Variants in APBA1 observed in about 807,000 individuals in gnomAD.
The protein encoded by APBA1 is amyloid beta precursor protein binding family A member 1.
A neutral mutation model predicts 86.6 loss-of-function variants in APBA1; 55 were observed. That is an observed-to-expected ratio of 0.64 (90% CI 0.51 to 0.80). The LOEUF is 0.80. APBA1 is among the 30% of genes least tolerant of loss of function. APBA1 has a pLI of 0.00. For synonymous variants in APBA1, 511 were observed against 493.9 expected, an observed-to-expected ratio of 1.03 and a Z score of -0.46; for missense variants, 1,090 against 1,183.0, an observed-to-expected ratio of 0.92 and a Z score of 1.15.
chr9:69,626,374 C>A (rs1462935676), intron 1 of APBA1, among the ~76,000 whole-genome samples: 1 of 151,900 alleles, frequency 6.6e-6, no homozygotes, highest in African/African-American at 2.4e-5. Flanking sequence ...CACAAATGTA[C>A]ATTAGGAACT....
intron 4 of APBA1, among the ~76,000 whole-genome samples, chr9:69,469,618 C>T (rs1353903603): frequency 6.6e-6 from 1 of 152,218 alleles, no homozygotes; most frequent in Admixed American, 6.5e-5. Flanking sequence ...CTCTACTCAA[C>T]AGCCACAGGG....
At chr9:69,606,479 CTTTTTTTT>C (rs35083481) in intron 1 of APBA1, among the ~76,000 whole-genome samples, 5 of 50,874 alleles carry the variant, frequency 9.8e-5, no homozygotes, top group Admixed American at 3.5e-4. Context: ...AGGGAGCTAG[CTTTTTTTT>C]TTTTTTTTTT....
intron 1 of APBA1, among the ~76,000 whole-genome samples, chr9:69,555,730 AG>A (rs1426130462): frequency 1.3e-5 from 2 of 152,224 alleles, no homozygotes; most frequent in Non-Finnish European, 2.9e-5. Flanking sequence ...GCAATGAGAA[AG>A]GATACTTCAT....
intron 1 of APBA1, among the ~76,000 whole-genome samples, chr9:69,663,897 A>C (rs1360471622): frequency 6.6e-6 from 1 of 152,150 alleles, no homozygotes; most frequent in Non-Finnish European, 1.5e-5. Flanking sequence ...AATGCTTACA[A>C]AGTCTCCCAT....
chr9:69,458,874 T>G (rs1472897312), intron 5 of APBA1, among the ~76,000 whole-genome samples: 1 of 152,100 alleles, frequency 6.6e-6, no homozygotes, highest in Non-Finnish European at 1.5e-5. Flanking sequence ...TGGCATGATC[T>G]TGGCTCACCG....
chr9:69,546,333 C>CAG (rs1836697288), intron 1 of APBA1, among the ~76,000 whole-genome samples: 1 of 152,170 alleles, frequency 6.6e-6, no homozygotes, highest in Non-Finnish European at 1.5e-5. Flanking sequence ...AAATAACTGC[C>CAG]AGAGATATGT....
intron 1 of APBA1, among the ~76,000 whole-genome samples, chr9:69,594,960 G>A (rs1822200920): frequency 6.6e-6 from 1 of 152,160 alleles, no homozygotes; most frequent in Non-Finnish European, 1.5e-5. Flanking sequence ...CTACAATGTA[G>A]TGGTATGAAT....
rs553516051 is a variant in APBA1 at position 69,476,070 on chromosome 9, A to T, written c.1274T>A (p.Val425Glu). 6.2e-7 allele frequency: 1 copy of T among 1,614,186 alleles called. No individual in the cohort carries two copies. The highest frequency in any genetic ancestry group is 1.7e-5 in the Admixed American group (1 of 60,022). The change falls in exon 3 of 13, where the codon GTG (valine) becomes GAG (glutamate). Residue 425 changes from valine (V) to glutamate (E), a missense_variant. Transcript: ENST00000265381. The stretch of plus-strand genomic sequence containing the variant: ...TACCTCTTTATTAGTGGACGCTTCC[A>T]CAGGGTCACTGGGGTGAAGAGATGT... ...SSTSLHPSDPVEASTNKESRK... is the reference protein window; with the variant it reads ...SSTSLHPSDPEEASTNKESRK...
intron 2 of APBA1, among the ~76,000 whole-genome samples, chr9:69,481,343 C>G (rs1241522300): frequency 1.3e-5 from 2 of 151,796 alleles, no homozygotes; most frequent in East Asian, 3.9e-4. Context: ...GACAAACAGC[C>G]AAATCATGAG....
intron 1 of APBA1, among the ~76,000 whole-genome samples, chr9:69,652,716 C>A (rs560709339): frequency 1.1e-4 from 17 of 152,186 alleles, no homozygotes; most frequent in Non-Finnish European, 2.4e-4. Context: ...CCTGGCTGGG[C>A]GCAGTGGCTC....
At chr9:69,562,074 G>A (rs1340247156) in intron 1 of APBA1, among the ~76,000 whole-genome samples, 1 of 152,090 alleles carries the variant, frequency 6.6e-6, no homozygotes, top group Non-Finnish European at 1.5e-5. Context: ...CAGTTGGACT[G>A]ACTTGGTGTA....
intron 1 of APBA1, among the ~76,000 whole-genome samples, chr9:69,623,318 T>C (rs771629919): frequency 2.6e-5 from 4 of 152,234 alleles, no homozygotes; most frequent in Non-Finnish European, 5.9e-5. Context: ...TATTCCCAAA[T>C]GGTGCCTCCT....
At chr9:69,597,733 C>T (rs1376024560) in intron 1 of APBA1, among the ~76,000 whole-genome samples, 3 of 152,218 alleles carry the variant, frequency 2.0e-5, no homozygotes, top group East Asian at 3.8e-4. Flanking sequence ...CTACATATGG[C>T]TAGCCAGTTT....
intron 4 of APBA1, among the ~76,000 whole-genome samples, chr9:69,469,704 G>A (rs1835335772): frequency 6.6e-6 from 1 of 152,156 alleles, no homozygotes; most frequent in Non-Finnish European, 1.5e-5. Flanking sequence ...GTATAGCAGG[G>A]AAGCATACAA....
intron 1 of APBA1, among the ~76,000 whole-genome samples, chr9:69,591,217 C>T (rs1022029842): frequency 3.9e-5 from 6 of 152,214 alleles, no homozygotes; most frequent in African/African-American, 1.4e-4. Context: ...CCCCCTCTCT[C>T]CAGGTGCCTC....
At chr9:69,520,985 T>A (rs1344837987) in intron 1 of APBA1, among the ~76,000 whole-genome samples, 1 of 152,204 alleles carries the variant, frequency 6.6e-6, no homozygotes, top group Non-Finnish European at 1.5e-5. Flanking sequence ...CTTCAGTGAT[T>A]CCCTTCTAGG....
At chr9:69,449,464 G>T in intron 10 of APBA1, 120 bp downstream of exon 10, 1 of 918,004 alleles carries the variant, frequency 1.1e-6, no homozygotes, top group Non-Finnish European at 1.7e-6. Flanking sequence ...TTTTGTGTTT[G>T]TGTCTTCCTT....
intron 1 of APBA1, among the ~76,000 whole-genome samples, chr9:69,597,082 C>T (rs1822243503): frequency 1.3e-5 from 2 of 152,138 alleles, no homozygotes; most frequent in South Asian, 4.1e-4. Context: ...AGAAAGATTC[C>T]CATTGACATG....
At chr9:69,660,502 G>GGTTTT (rs1758472328) in intron 1 of APBA1, among the ~76,000 whole-genome samples, 1 of 152,036 alleles carries the variant, frequency 6.6e-6, no homozygotes, top group Admixed American at 6.6e-5. Context: ...CTGAAATGTT[G>GGTTTT]GTTTTGTTTG....
Sources: gnomAD v4.1 joint callset for allele counts (sites outside exome capture counted in the v4.1 genomes callset) on GRCh38, gnomAD v4.1.1 for gene constraint, MANE v1.5 for transcripts, NCBI Gene and HGNC (gene_info 2026-07-23, HGNC 2026-07-21) for gene names.